The following WDR31 variants were observed in gnomAD, a reference collection of about 807,000 sequenced individuals.
The protein encoded by WDR31 is WD repeat-containing protein 31.
WDR31 carries 30 observed loss-of-function variants against 47.3 expected under a neutral mutation model. The observed-to-expected ratio is 0.63, with a 90% CI of 0.47 to 0.86. The LOEUF (loss-of-function observed/expected upper bound fraction) is 0.86, where lower values mean the gene tolerates loss of function less well. Among genes scored for constraint, WDR31 ranks in the 40% least tolerant of loss-of-function variants. The probability of loss-of-function intolerance (pLI) is 0.00; values close to 1 mark genes in which losing one functional copy is unlikely to be tolerated. For synonymous variants in WDR31, 137 were observed against 159.4 expected, an observed-to-expected ratio of 0.86 and a Z score of 1.06; for missense variants, 406 against 442.9, an observed-to-expected ratio of 0.92 and a Z score of 0.75.
intron 10 of WDR31, 82 bp downstream of exon 10, chr9:113,318,393 T>G: frequency 1.9e-6 from 3 of 1,545,304 alleles, no homozygotes; most frequent in Non-Finnish European, 2.7e-6. Context: ...TTTGTAATGC[T>G]GAGCAATGGG....
chr9:113,340,060 G>T (rs1217234574), intron 1 of WDR31, among the ~76,000 whole-genome samples, 157 bp downstream of exon 1: 1 of 152,166 alleles, frequency 6.6e-6, no homozygotes, highest in Non-Finnish European at 1.5e-5. Context: ...ATGTGTATGT[G>T]GAAAGCGGGG....
chr9:113,331,066 T>G lies in WDR31; in HGVS notation c.167A>C (p.Glu56Ala). 6.2e-7 allele frequency: 1 copy of G among 1,608,634 alleles called. No homozygotes were observed. Among genetic ancestry groups the G allele is most frequent in the Non-Finnish European group, 8.5e-7 (1 of 1,176,322 alleles). The change falls in exon 4 of 11, where the codon GAG becomes GCG. Residue 56 changes from glutamate (E) to alanine (A), a missense_variant. By Grantham distance (107) the Glu-to-Ala change is moderately radical. Transcript: ENST00000374193. ...EERIQTKAFQ[E>A]YSPAHMDTVS... ...GGTATCCATGTGAGCTGGGCTATAC[T>G]CTTGAAAAGCTTTAGTTTGAATTCT...
intron 1 of WDR31, among the ~76,000 whole-genome samples, chr9:113,339,397 G>A (rs1588054217): frequency 1.3e-5 from 2 of 152,004 alleles, no homozygotes; most frequent in South Asian, 2.1e-4. Flanking sequence ...ATCTCCCTCC[G>A]TCTCCCCAAA....
At position 113,329,750 on chromosome 9, in the gene WDR31, G is replaced by A. The variant is rs577512556; in HGVS notation, c.250-795C>T. Among the ~76,000 whole-genome samples, 5 of 151,914 alleles carry A rather than the reference G, an allele frequency of 3.3e-5. No homozygotes were observed. In the East Asian group the frequency reaches 9.7e-4, roughly 30 times the overall value. ...GCACTTTGGGAGGCTGAGGCGGGCG[G>A]ATCACCTGAGGTCGGGAGTTCGAGA... On this transcript the variant is annotated intron_variant, in intron 4 of 10. Transcript: ENST00000374193.
At chr9:113,335,640 T>C (rs561277945) in intron 2 of WDR31, among the ~76,000 whole-genome samples, 19 of 152,296 alleles carry the variant, frequency 1.2e-4, no homozygotes, top group Non-Finnish European at 2.5e-4. Context: ...TTTTGAGAAG[T>C]TGCTAGAATT....
intron 9 of WDR31, 77 bp from the exon 10 acceptor site, chr9:113,318,714 C>T: frequency 2.0e-6 from 3 of 1,492,002 alleles, no homozygotes; most frequent in Middle Eastern, 1.7e-4. Flanking sequence ...CCCCTACCCC[C>T]ATGATGCACC....
chr9:113,321,717 G>T, intron 7 of WDR31, 139 bp from the exon 8 acceptor site: 1 of 762,732 alleles, frequency 1.3e-6, no homozygotes, highest in Non-Finnish European at 2.2e-6. Context: ...GGCATCTTAG[G>T]TTTTGCAGAT....
At chr9:113,335,297 C>A (rs1320924789) in intron 2 of WDR31, among the ~76,000 whole-genome samples, 1 of 152,152 alleles carries the variant, frequency 6.6e-6, no homozygotes, top group Non-Finnish European at 1.5e-5. Flanking sequence ...ATGTGACCAG[C>A]ATGAACATTT....
chr9:113,323,532 G>GAGT (rs1833379579), intron 5 of WDR31, among the ~76,000 whole-genome samples: 1 of 152,186 alleles, frequency 6.6e-6, no homozygotes, highest in African/African-American at 2.4e-5. Context: ...AAAGTACTGG[G>GAGT]ATTACAGGCA....
rs1232162905 is a variant in WDR31, at chr9:113,331,892, G to C, written c.116+15C>G. On this transcript the variant is annotated intron_variant, in intron 3 of 10. Coordinates refer to ENST00000374193, the MANE Select transcript of WDR31 (RefSeq NM_001012361.4). ...GCATGATAAAACCTGGGCTCCCAGG[G>C]GAGGATTGCAGTACCCGTATTTATA... 1.2e-6 allele frequency: 2 copies of C among 1,611,106 alleles called. No individual in the cohort carries two copies. Among genetic ancestry groups the C allele is most frequent in the Admixed American group, 3.3e-5 (2 of 59,984 alleles).
chr9:113,327,099 G>C (rs1006516345), intron 5 of WDR31, among the ~76,000 whole-genome samples: 1 of 152,188 alleles, frequency 6.6e-6, no homozygotes, highest in African/African-American at 2.4e-5. Context: ...CCTTGCCAAA[G>C]TGCCAGCATT....
At chr9:113,335,776 C>T (rs1206288072) in intron 2 of WDR31, among the ~76,000 whole-genome samples, 1 of 152,168 alleles carries the variant, frequency 6.6e-6, no homozygotes, top group Non-Finnish European at 1.5e-5. Flanking sequence ...CCTTGAGTAG[C>T]TCCATTCCCC....
intron 5 of WDR31, among the ~76,000 whole-genome samples, chr9:113,326,807 A>G (rs748248355): frequency 7.3e-5 from 11 of 151,644 alleles, no homozygotes; most frequent in Admixed American, 1.3e-4. Flanking sequence ...TTTTCCTCAA[A>G]TATTTTCTCT....
At chr9:113,323,804 GATC>G (rs1301015973) in intron 5 of WDR31, among the ~76,000 whole-genome samples, 1 of 152,138 alleles carries the variant, frequency 6.6e-6, no homozygotes, top group East Asian at 1.9e-4. Context: ...TTTTGCACTT[GATC>G]ATCACCACAC....
At position 113,320,443 on chromosome 9, in the gene WDR31, T is replaced by C. The variant is rs777132739; in HGVS notation, c.694A>G (p.Ile232Val). 9 of 1,614,142 alleles carry C rather than the reference T, an allele frequency of 5.6e-6. No homozygotes were observed. The African/African-American group carries it at 6.7e-5, about 12-fold the overall frequency. Residue 232 changes from isoleucine (I) to valine (V), a missense_variant, in exon 9 of 11, where the codon ATT becomes GTT. Transcript: ENST00000374193. ...ACACTGACTTCACAGTAGGTCTGAA[T>C]GTGCTGCTTTGCAGGAAACATATGA... ...VAHMFPAKQH[I>V]QTYCEVSVDG... is the part of the protein sequence containing the mutation.
intron 10 of WDR31, among the ~76,000 whole-genome samples, chr9:113,317,779 T>C (rs1185476225): frequency 6.6e-6 from 1 of 152,244 alleles, no homozygotes; most frequent in Admixed American, 6.5e-5. Flanking sequence ...ACAGAATAGA[T>C]GGAGGCAGTG....
chr9:113,331,922 C>A lies in WDR31; in HGVS notation c.101G>T (p.Ser34Ile). Reference sequence around the variant, plus strand: ...ATTGCAGTACCCGTATTTATAAGTGCTGTGTTTGAGTTTGCTTTGCTGTTT... The same window carrying A: ...ATTGCAGTACCCGTATTTATAAGTGATGTGTTTGAGTTTGCTTTGCTGTTT... The part of the protein sequence containing the change: ...MGKQQSKLKH[S>I]TYKYGRPDEI... Residue 34 changes from serine (S) to isoleucine (I), a missense_variant, in exon 3 of 11, where the codon AGC becomes ATC. Physicochemically the swap from Ser to Ile is moderately radical, Grantham distance 142. Coordinates refer to ENST00000374193, the MANE Select transcript of WDR31 (RefSeq NM_001012361.4). The A allele has an allele frequency of 6.2e-7, 1 of 1,613,754 alleles. No homozygotes were observed. The highest frequency in any genetic ancestry group is 1.3e-5 in the African/African-American group (1 of 75,032).
At chr9:113,322,943 G>A (rs576703039) in intron 6 of WDR31, 32 bp from the exon 7 acceptor site, 1 of 1,614,096 alleles carries the variant, frequency 6.2e-7, no homozygotes, top group African/African-American at 1.3e-5. Context: ...GACAGCCTGT[G>A]AGTGGGGACC....
chr9:113,318,963 T>C (rs1185616142), intron 9 of WDR31, among the ~76,000 whole-genome samples: 1 of 152,218 alleles, frequency 6.6e-6, no homozygotes, highest in Non-Finnish European at 1.5e-5. Flanking sequence ...GGGGAACCCA[T>C]GGGGAGCCCC....
Sources: allele counts gnomAD v4.1 joint callset (sites outside exome capture counted in the v4.1 genomes callset), GRCh38; gene constraint gnomAD v4.1.1; transcripts MANE v1.5; gene names NCBI Gene and HGNC (gene_info 2026-07-23, HGNC 2026-07-21).